The following PPP1R1C variants were observed in gnomAD, a reference collection of about 807,000 sequenced individuals.
The protein encoded by PPP1R1C is protein phosphatase 1 regulatory inhibitor subunit 1C.
A neutral mutation model predicts 17.4 loss-of-function variants in PPP1R1C; 15 were observed. The observed-to-expected ratio is 0.86, with a 90% CI of 0.58 to 1.33. PPP1R1C has a LOEUF of 1.33. Ranked by LOEUF, PPP1R1C falls within the 40% of genes most tolerant of loss-of-function variation. The pLI is 0.00. For missense variants in PPP1R1C, 143 were observed against 130.0 expected (o/e 1.10, Z -0.48); for synonymous variants, 35 against 43.1 (o/e 0.81, Z 0.73).
chr2:182,125,966 T>C (rs2125243027), intron 5 of PPP1R1C, among the ~76,000 whole-genome samples: 1 of 152,280 alleles, frequency 6.6e-6, no homozygotes, highest in South Asian at 2.1e-4. Flanking sequence ...TTTGAATTTG[T>C]TTGTTCTTGC....
At chr2:182,081,470 A>G (rs1024630931) in intron 4 of PPP1R1C, among the ~76,000 whole-genome samples, 5 of 152,208 alleles carry the variant, frequency 3.3e-5, no homozygotes, top group Non-Finnish European at 1.5e-5. Flanking sequence ...GAAAATTGTG[A>G]TAGAAAATTT....
chr2:182,089,496 C>G (rs1297951229), intron 4 of PPP1R1C, among the ~76,000 whole-genome samples: 1 of 152,136 alleles, frequency 6.6e-6, no homozygotes, highest in Non-Finnish European at 1.5e-5. Flanking sequence ...TCAGATTTTT[C>G]TAACTTTGAG....
At chr2:182,110,954 G>A (rs962489160) in intron 4 of PPP1R1C, among the ~76,000 whole-genome samples, 4 of 152,154 alleles carry the variant, frequency 2.6e-5, no homozygotes, top group African/African-American at 7.2e-5. Flanking sequence ...ACTGTGGAGG[G>A]CAAAAGCAGC....
intron 2 of PPP1R1C, among the ~76,000 whole-genome samples, chr2:182,003,198 C>T (rs1004298857): frequency 1.3e-5 from 2 of 152,144 alleles, no homozygotes; most frequent in Admixed American, 6.6e-5. Context: ...TCTGCATAAT[C>T]TTGCCTCATC....
At chr2:182,078,435 A>T (rs940302456) in intron 4 of PPP1R1C, among the ~76,000 whole-genome samples, 1 of 152,168 alleles carries the variant, frequency 6.6e-6, no homozygotes, top group African/African-American at 2.4e-5. Flanking sequence ...CCCCACATTA[A>T]CAGCTCTATT....
At chr2:182,072,266 C>A (rs1688162272) in intron 4 of PPP1R1C, among the ~76,000 whole-genome samples, 1 of 152,096 alleles carries the variant, frequency 6.6e-6, no homozygotes, top group South Asian at 2.1e-4. Context: ...GGAGTGTTCC[C>A]TGATGTTTTC....
At position 182,083,858 on chromosome 2, in the gene PPP1R1C, T is replaced by C. The variant is rs1688551190; in HGVS notation, c.241+20067T>C. ...ATCTCCATACTGTTTTCCATAGAGG[T>C]TGTACTAATTAAAATTTCCACCAGC... is the stretch of plus-strand genomic sequence containing the variant. On this transcript the variant is annotated intron_variant, in intron 4 of 4. Transcript: ENST00000682840. 2.0e-5 allele frequency among the ~76,000 whole-genome samples: 3 copies of C among 152,192 alleles called. No homozygotes were observed. The South Asian group carries it at 6.2e-4, about 32-fold the overall frequency.
intron 4 of PPP1R1C, among the ~76,000 whole-genome samples, chr2:182,095,468 C>T (rs1688905519): frequency 6.6e-6 from 1 of 152,074 alleles, no homozygotes; most frequent in South Asian, 2.1e-4. Flanking sequence ...AAGTTCCCAC[C>T]ATTCATTATT....
chr2:182,106,024 G>A (rs548333587), intron 4 of PPP1R1C, among the ~76,000 whole-genome samples: 1 of 152,266 alleles, frequency 6.6e-6, no homozygotes, highest in African/African-American at 2.4e-5. Flanking sequence ...CTAGTGTCTA[G>A]TAGCCTCAGA....
At chr2:182,050,889 GTAC>G (rs1006178408) in intron 2 of PPP1R1C, among the ~76,000 whole-genome samples, 1 of 152,112 alleles carries the variant, frequency 6.6e-6, no homozygotes, top group Non-Finnish European at 1.5e-5. Flanking sequence ...AGAACACATT[GTAC>G]TACAATTTCA....
chr2:182,098,032 CT>C, intron 4 of PPP1R1C, among the ~76,000 whole-genome samples: 1 of 152,074 alleles, frequency 6.6e-6, no homozygotes, highest in East Asian at 1.9e-4. Context: ...TCCTTCTCTT[CT>C]TCTCTTCCAA....
chr2:182,123,390 A>G (rs1336699721), intron 5 of PPP1R1C, among the ~76,000 whole-genome samples: 2 of 152,208 alleles, frequency 1.3e-5, no homozygotes, highest in African/African-American at 4.8e-5. Flanking sequence ...GCTGGGTCAA[A>G]TGGTATTTCT....
At chr2:182,009,758 C>T (rs996012440) in intron 2 of PPP1R1C, among the ~76,000 whole-genome samples, 2 of 151,992 alleles carry the variant, frequency 1.3e-5, no homozygotes, top group Non-Finnish European at 2.9e-5. Flanking sequence ...AATTTGAGGT[C>T]TTAGATTTAA....
At chr2:182,063,914 G>C in intron 4 of PPP1R1C, 123 bp downstream of exon 4, 2 of 767,186 alleles carry the variant, frequency 2.6e-6, no homozygotes, top group Non-Finnish European at 4.7e-6. Context: ...CAACTTAACA[G>C]TGTTATGTTC....
chr2:182,029,521 A>G (rs1686746177), intron 2 of PPP1R1C, among the ~76,000 whole-genome samples: 1 of 147,986 alleles, frequency 6.8e-6, no homozygotes, highest in Non-Finnish European at 1.5e-5. Context: ...TCTTTTCTTT[A>G]AGAATGTTGA....
chr2:182,098,158 T>C (rs1348896354), intron 4 of PPP1R1C, among the ~76,000 whole-genome samples: 1 of 152,150 alleles, frequency 6.6e-6, no homozygotes, highest in Non-Finnish European at 1.5e-5. Flanking sequence ...TGAACAAGTT[T>C]ATTGAAACAG....
intron 5 of PPP1R1C, among the ~76,000 whole-genome samples, chr2:182,127,541 C>G (rs1225352480): frequency 6.6e-6 from 1 of 152,008 alleles, no homozygotes; most frequent in Non-Finnish European, 1.5e-5. Flanking sequence ...GTTGTAAACT[C>G]ACATCTCAAC....
intron 1 of PPP1R1C, among the ~76,000 whole-genome samples, chr2:181,955,657 C>A (rs1309563533): frequency 6.6e-6 from 1 of 152,152 alleles, no homozygotes; most frequent in African/African-American, 2.4e-5. Context: ...CAAAACTTGT[C>A]CATTCTAAAG....
At chr2:182,084,281 G>A (rs543403785) in intron 4 of PPP1R1C, among the ~76,000 whole-genome samples, 69 of 151,858 alleles carry the variant, frequency 4.5e-4, no homozygotes, top group African/African-American at 1.3e-3. Flanking sequence ...ATTAGGTCCC[G>A]TTTATTTATT....
Sources: allele counts gnomAD v4.1 joint callset (sites outside exome capture counted in the v4.1 genomes callset), GRCh38; gene constraint gnomAD v4.1.1; transcripts MANE v1.5; gene names NCBI Gene and HGNC (gene_info 2026-07-23, HGNC 2026-07-21).